MARS1: variants seen among roughly 807,000 people sequenced by gnomAD.
MARS1 encodes methionyl-tRNA synthetase 1.
Under a neutral mutation model 119.5 loss-of-function variants are expected in MARS1, and 80 were observed. The ratio of observed to expected loss-of-function variants is 0.67; its 90% CI spans 0.56 to 0.81. The LOEUF is 0.81. Ranked by LOEUF, MARS1 falls within the 30% of genes least tolerant of loss-of-function variation. MARS1 has a pLI of 0.00. For missense variants in MARS1, 945 were observed against 1,116.5 expected, an observed-to-expected ratio of 0.85 and a Z score of 2.19; for synonymous variants, 418 against 433.4, an observed-to-expected ratio of 0.96 and a Z score of 0.44.
intron 11 of MARS1, among the ~76,000 whole-genome samples, chr12:57,505,533 C>T (rs1032625564): frequency 3.9e-5 from 6 of 152,118 alleles, no homozygotes; most frequent in African/African-American, 4.8e-5. Context: ...ATAGGCTGGG[C>T]GCAGTGGCTT....
At position 57,512,667 on chromosome 12, in the gene MARS1, G is replaced by GT. The variant is rs770772455; in HGVS notation, c.1754-84_1754-83insT. 2.7e-6 allele frequency: 3 copies of GT among 1,115,036 alleles called. No individual in the cohort carries two copies. In the East Asian group the frequency reaches 7.1e-5, roughly 26 times the overall value. The allele number at this position is 1,115,036 out of a possible 1,614,324, so 69.1% of individuals were successfully genotyped here. ...AGACACCCATAGTTGAGGTTAGAAA[G>GT]AGGAAAGAAGGAAGAGTTAGTGGGC... On this transcript the variant is annotated intron_variant, in intron 14 of 20. Transcript: ENST00000262027.
intron 7 of MARS1, among the ~76,000 whole-genome samples, chr12:57,495,765 C>T (rs1239143451): frequency 6.6e-6 from 1 of 152,176 alleles, no homozygotes; most frequent in Non-Finnish European, 1.5e-5. Flanking sequence ...TCAGGAGGCC[C>T]AGGCGGGCAG....
At chr12:57,492,539 C>A (rs571568342) in intron 7 of MARS1, among the ~76,000 whole-genome samples, 34 of 151,950 alleles carry the variant, frequency 2.2e-4, no homozygotes, top group African/African-American at 8.0e-4. Context: ...GGCACGGTGG[C>A]TCGTGCCTGT....
At chr12:57,492,326 G>A (rs1876014298) in intron 7 of MARS1, among the ~76,000 whole-genome samples, 1 of 150,530 alleles carries the variant, frequency 6.6e-6, no homozygotes, top group Non-Finnish European at 1.5e-5. Context: ...GTTGCTATGC[G>A]AGGAAATATC....
intron 19 of MARS1, 61 bp downstream of exon 19, chr12:57,516,052 T>A (rs949831240): frequency 3.9e-6 from 6 of 1,543,794 alleles, no homozygotes; most frequent in Non-Finnish European, 5.4e-6. Flanking sequence ...TTCCCTAATT[T>A]CCCTAAGTAG....
rs1876342673 is a variant in MARS1, at chr12:57,493,774, AATATATATTATATAT to A, written c.770+3131_770+3145del. Among the ~76,000 whole-genome samples the A allele has an allele frequency of 1.8e-3, 5 of 2,828 alleles. 1 individual carries two copies. The highest frequency in any genetic ancestry group is 2.4e-3 in the Non-Finnish European group (5 of 2,054). 1.9% of individuals were successfully genotyped at this position (2,828 alleles called of 152,430 possible). On this transcript the variant is annotated intron_variant, in intron 7 of 20. Transcript: ENST00000262027. The stretch of plus-strand genomic sequence containing the variant: ...ACATTATATTATATATATTATATAT[AATATATATTATATAT>A]TATATATTATATTATATAATGTATA...
In MARS1 at chr12:57,512,063, A is replaced by G. The variant is rs200241086; in HGVS notation, c.1595A>G (p.Tyr532Cys). ...GGCTATCTGTCCATCACAGCCAACT[A>G]CACAGACCAGTGGGAGAGATGGTGG... ...TIGYLSITAN[Y>C]TDQWERWWKN... Residue 532 changes from tyrosine (Y) to cysteine (C), a missense_variant, in exon 13 of 21, where the codon TAC becomes TGC. Physicochemically the swap from Tyr to Cys is radical, Grantham distance 194. Transcript: ENST00000262027. 6.2e-6 allele frequency: 10 copies of G among 1,613,980 alleles called. No homozygotes were observed. The South Asian group carries it at 8.8e-5, about 14-fold the overall frequency.
rs1283237478 is a variant in MARS1, at chr12:57,496,173, C to T, written c.771-1984C>T. Among the ~76,000 whole-genome samples the T allele has an allele frequency of 2.0e-5, 3 of 149,766 alleles. No individual in the cohort carries two copies. In the East Asian group the frequency reaches 5.9e-4, roughly 29 times the overall value. The stretch of plus-strand genomic sequence containing the variant: ...GCCACTGCACCCGGCAATATAAGCA[C>T]TTTCTTTTTTTTTTTTTTGAAACTG... On this transcript the variant is annotated intron_variant, in intron 7 of 20. Coordinates refer to ENST00000262027, the MANE Select transcript of MARS1 (RefSeq NM_004990.4).
At chr12:57,500,611 T>C in intron 10 of MARS1, 89 bp downstream of exon 10, 1 of 1,286,790 alleles carries the variant, frequency 7.8e-7, no homozygotes, top group Non-Finnish European at 1.1e-6. Flanking sequence ...ATTTTTATTT[T>C]AGCATTCTAG....
Position 57,510,211 on chromosome 12 carries a change from C to T in MARS1, c.1369-1487C>T, listed in dbSNP as rs139549120. ...AAAATTGACTAGGCATGGTGACTCA[C>T]GCCTGTAATCCCAGCAGTTTGGGAG... is the stretch of plus-strand genomic sequence containing the variant. On this transcript the variant is annotated intron_variant, in intron 11 of 20. Coordinates refer to ENST00000262027, the MANE Select transcript of MARS1 (RefSeq NM_004990.4). Among the ~76,000 whole-genome samples, 9 of 152,308 alleles carry T rather than the reference C, an allele frequency of 5.9e-5. No individual in the cohort carries two copies. The East Asian group carries it at 1.5e-3, about 26-fold the overall frequency.
chr12:57,516,288 C>T lies in MARS1; in HGVS notation c.2507C>T (p.Thr836Ile), dbSNP rs1159370358. The T allele has an allele frequency of 3.1e-6, 5 of 1,614,118 alleles. No homozygotes were observed. In the Admixed American group the frequency reaches 5.0e-5, roughly 16 times the overall value. Residue 836 changes from threonine (T) to isoleucine (I), a missense_variant, in exon 20 of 21, where the codon ACA (threonine) becomes ATA (isoleucine). Coordinates refer to ENST00000262027, the MANE Select transcript of MARS1 (RefSeq NM_004990.4). The stretch of plus-strand genomic sequence containing the variant: ...CCAGCAGTTGTAGAGACTGTTACAA[C>T]AGCCAAGCCACAGCAGATACAAGCG... ...PKPAVVETVT[T>I]AKPQQIQALM...
chr12:57,490,875 C>CTTT (rs34238800), intron 7 of MARS1, among the ~76,000 whole-genome samples: 2 of 101,044 alleles, frequency 2.0e-5, no homozygotes, highest in Non-Finnish European at 3.9e-5. Flanking sequence ...CTTGTCTATC[C>CTTT]TTTTTTTTTT....
rs376182439 is a variant in MARS1 at position 57,498,686 on chromosome 12, A to T, written c.1091+63A>T. The T allele has an allele frequency of 9.8e-5, 149 of 1,518,908 alleles. 1 individual carries two copies. In the African/African-American group the frequency reaches 1.6e-3, roughly 16 times the overall value. The allele number at this position is 1,518,908 out of a possible 1,614,324, so 94.1% of individuals were successfully genotyped here. ...GGCTGAGACTGGGAACAGTGGGAGT[A>T]TCTTGGAGACAGAAGGAACCCGGGT... is the stretch of plus-strand genomic sequence containing the variant. On this transcript the variant is annotated intron_variant, in intron 9 of 20. Transcript: ENST00000262027.
chr12:57,514,914 T>C (rs1343665789), intron 16 of MARS1, 40 bp from the exon 17 acceptor site: 1 of 1,614,004 alleles, frequency 6.2e-7, no homozygotes, highest in Admixed American at 1.7e-5. Flanking sequence ...TATTGGTCTC[T>C]GTAGGACATT....
At position 57,489,040 on chromosome 12, in the gene MARS1, C is replaced by T; in HGVS notation, c.131C>T (p.Thr44Ile). 3.7e-6 allele frequency: 6 copies of T among 1,613,982 alleles called. No homozygotes were observed. The highest frequency in any genetic ancestry group is 5.1e-6 in the Non-Finnish European group (6 of 1,179,932). Reference protein sequence around the residue: ...GPEDCVVPFLTRPKVPVLQLD... With the variant: ...GPEDCVVPFLIRPKVPVLQLD... ...TCAGATTGTGTGGTCCCGTTCCTGA[C>T]CCGGCCTAAGGTCCCTGTCTTGCAG... Residue 44 changes from threonine (T) to isoleucine (I), a missense_variant, in exon 2 of 21, where the codon ACC becomes ATC. By Grantham distance (89) the Thr-to-Ile change is moderately conservative. Coordinates refer to ENST00000262027, the MANE Select transcript of MARS1 (RefSeq NM_004990.4).
rs747508476 is a variant in MARS1 at position 57,511,997 on chromosome 12, C to G, written c.1540-11C>G. ...TGGTCCCTAACATGTTTACCTCCTT[C>G]TGACCTCCAGGTATTCTATGTCTGG... On this transcript the variant is annotated splice_polypyrimidine_tract_variant and intron_variant, in intron 12 of 20. Coordinates refer to ENST00000262027, the MANE Select transcript of MARS1 (RefSeq NM_004990.4). 2 of 1,613,274 alleles carry G rather than the reference C, an allele frequency of 1.2e-6. No homozygotes were observed. The highest frequency in any genetic ancestry group is 1.7e-6 in the Non-Finnish European group (2 of 1,179,302).
At chr12:57,503,233 C>CTTTTTTTTT (rs777768874) in intron 10 of MARS1, among the ~76,000 whole-genome samples, 1 of 136,104 alleles carries the variant, frequency 7.3e-6, no homozygotes, top group Non-Finnish European at 1.6e-5. Flanking sequence ...GCACTTGTTT[C>CTTTTTTTTT]TTTTTTTTTT....
intron 15 of MARS1, among the ~76,000 whole-genome samples, 154 bp downstream of exon 15, chr12:57,513,118 C>T (rs936141649): frequency 2.2e-4 from 34 of 152,136 alleles, no homozygotes; most frequent in African/African-American, 8.0e-4. Context: ...CTGTTCCTAG[C>T]ACATACTAGG....
At chr12:57,490,140 G>C (rs1351959232) in intron 5 of MARS1, 67 bp from the exon 6 acceptor site, 2 of 1,545,076 alleles carry the variant, frequency 1.3e-6, no homozygotes, top group African/African-American at 2.8e-5. Context: ...CAAAGAAGGG[G>C]AAAGATGCCC....
Sources: allele counts gnomAD v4.1 joint callset (sites outside exome capture counted in the v4.1 genomes callset), GRCh38; gene constraint gnomAD v4.1.1; transcripts MANE v1.5; gene names NCBI Gene and HGNC (gene_info 2026-07-23, HGNC 2026-07-21).